The following SEC22C variants were observed in gnomAD, a reference collection of about 807,000 sequenced individuals.
SEC22C encodes the protein SEC22 homolog C, vesicle trafficking protein.
SEC22C carries 29 observed loss-of-function variants against 34.7 expected under a neutral mutation model. The ratio of observed to expected loss-of-function variants is 0.84; its 90% CI spans 0.62 to 1.14. The LOEUF (loss-of-function observed/expected upper bound fraction) is 1.14, where lower values mean the gene tolerates loss of function less well. Among genes scored for constraint, SEC22C ranks in the 50% most tolerant of loss-of-function variants. SEC22C has a pLI of 0.00. For synonymous variants in SEC22C, 117 were observed against 132.8 expected, an observed-to-expected ratio of 0.88 and a Z score of 0.82; for missense variants, 337 against 369.0, an observed-to-expected ratio of 0.91 and a Z score of 0.71.
rs534874028 is a variant in SEC22C, at chr3:42,600,035, C to T, written c.-28+925G>A. Reference sequence around the variant, plus strand: ...AAAGACTTCGCAATCATTTATGTAACAAAAGATTTTCATTCAGAGCATACA... The same window carrying T: ...AAAGACTTCGCAATCATTTATGTAATAAAAGATTTTCATTCAGAGCATACA... On this transcript the variant is annotated intron_variant, in intron 1 of 6. Coordinates refer to the SEC22C transcript ENST00000417572. Among the ~76,000 whole-genome samples the T allele has an allele frequency of 6.6e-5, 10 of 152,294 alleles. No homozygotes were observed. The East Asian group carries it at 1.9e-3, about 29-fold the overall frequency.
At chr3:42,576,947 G>C (rs1335482368) in intron 1 of SEC22C, among the ~76,000 whole-genome samples, 1 of 152,116 alleles carries the variant, frequency 6.6e-6, no homozygotes, top group African/African-American at 2.4e-5. Flanking sequence ...CAATGAAACA[G>C]AATACAGAAC....
At chr3:42,600,471 G>GC (rs1242205099) in intron 1 of SEC22C, 4 of 147,520 alleles carry the variant, frequency 2.7e-5, no homozygotes, top group Non-Finnish European at 6.1e-5. Flanking sequence ...TGACTTCAAA[G>GC]GGGGGGGCAA....
Position 42,550,574 on chromosome 3 carries a change from T to G in SEC22C, c.*2674A>C. ...AAACAATGTTTTTGTGGTCATTACT[T>G]GTACTGTTTTTCTAGTGCATCTTTT... On this transcript the variant is annotated 3_prime_UTR_variant, in exon 7 of 7. Transcript: ENST00000264454. The G allele has an allele frequency of 6.1e-6, 6 of 985,462 alleles. No individual in the cohort carries two copies. The highest frequency in any genetic ancestry group is 6.0e-6 in the Non-Finnish European group (5 of 829,938). The allele number at this position is 985,462 out of a possible 1,614,324, so 61.0% of individuals were successfully genotyped here. A position where few individuals can be genotyped will look rare whatever the true frequency, so the allele number is the denominator to read the frequency against.
At position 42,553,327 on chromosome 3, in the gene SEC22C, T is replaced by A; in HGVS notation, c.833A>T (p.His278Leu). The change falls in exon 7 of 7, where the codon CAC (histidine) becomes CTC (leucine). Residue 278 changes from histidine (H) to leucine (L), a missense_variant. Transcript: ENST00000264454. ...TGAAGACAGAAAAGCCACTCCTATGTGGAAAAGGATTTGCCAGAGGTTCCT... is the reference window on the plus strand; with the variant it reads ...TGAAGACAGAAAAGCCACTCCTATGAGGAAAAGGATTTGCCAGAGGTTCCT... ...GLRNLWQILF[H>L]IGVAFLSSYQ... 6.2e-7 allele frequency: 1 copy of A among 1,614,158 alleles called. No homozygotes were observed. Among genetic ancestry groups the A allele is most frequent in the Non-Finnish European group, 8.5e-7 (1 of 1,180,022 alleles).
At chr3:42,562,088 T>C (rs1702954998) in intron 3 of SEC22C, among the ~76,000 whole-genome samples, 1 of 152,224 alleles carries the variant, frequency 6.6e-6, no homozygotes. Context: ...AATTCTTAAA[T>C]TTATGTTAGT....
chr3:42,548,070 G>A lies in SEC22C; in HGVS notation c.*5178C>T, dbSNP rs1399961524. 2.0e-5 allele frequency: 3 copies of A among 152,994 alleles called. No homozygotes were observed. The highest frequency in any genetic ancestry group is 6.5e-5 in the Admixed American group (1 of 15,434). 9.5% of individuals were successfully genotyped at this position (152,994 alleles called of 1,614,324 possible). Reference sequence around the variant, plus strand: ...TACATTTTTACACACTTTTATACAAGTTTAGGTTGTACTACTGAGTTTGTT... The same window carrying A: ...TACATTTTTACACACTTTTATACAAATTTAGGTTGTACTACTGAGTTTGTT... On this transcript the variant is annotated 3_prime_UTR_variant, in exon 7 of 7. Coordinates refer to ENST00000264454, the MANE Select transcript of SEC22C (RefSeq NM_032970.4).
At chr3:42,584,555 C>T (rs986815689), upstream of SEC22C, among the ~76,000 whole-genome samples, 2 of 152,292 alleles carry the variant, frequency 1.3e-5, no homozygotes, top group South Asian at 2.1e-4. Context: ...CACGCCTAGC[C>T]GGGACATAGA....
chr3:42,548,416 A>G lies in SEC22C; in HGVS notation c.*4832T>C. 1.6e-6 allele frequency: 1 copy of G among 616,216 alleles called. No homozygotes were observed. The highest frequency in any genetic ancestry group is 2.0e-5 in the South Asian group (1 of 48,898). 38.2% of individuals were successfully genotyped at this position (616,216 alleles called of 1,614,324 possible). ...TGGATTTGTTAATTTTACCCTAAAT[A>G]AAAGGCGCTTGTGGGCAACAGCTCT... On this transcript the variant is annotated 3_prime_UTR_variant, in exon 7 of 7. Transcript: ENST00000264454.
chr3:42,566,999 G>GACCTCC (rs1703290221), intron 2 of SEC22C, among the ~76,000 whole-genome samples: 1 of 152,146 alleles, frequency 6.6e-6, no homozygotes, highest in African/African-American at 2.4e-5. Context: ...CTGTGGCCTC[G>GACCTCC]ACCTCCTGGG....
At chr3:42,598,487 C>T (rs557580230) in intron 1 of SEC22C, among the ~76,000 whole-genome samples, 2 of 151,980 alleles carry the variant, frequency 1.3e-5, no homozygotes, top group African/African-American at 4.8e-5. Flanking sequence ...GCCACCACGC[C>T]CTGCTAATTT....
At chr3:42,584,872 A>G (rs1435129560), upstream of SEC22C, among the ~76,000 whole-genome samples, 3 of 152,110 alleles carry the variant, frequency 2.0e-5, no homozygotes, top group African/African-American at 7.2e-5. Context: ...GTGGTGGCTC[A>G]CACCTATAAT....
chr3:42,590,786 C>T (rs1273109043), intron 1 of SEC22C: 19 of 1,096,628 alleles, frequency 1.7e-5, no homozygotes, highest in Non-Finnish European at 2.4e-5. Context: ...CAAATGACGT[C>T]CCTTCTGTAC....
intron 1 of SEC22C, among the ~76,000 whole-genome samples, chr3:42,576,318 T>C (rs1384595221): frequency 2.6e-5 from 4 of 151,778 alleles, no homozygotes; most frequent in Non-Finnish European, 5.9e-5. Flanking sequence ...CAAAATAAAC[T>C]TAAATCACAA....
Position 42,552,220 on chromosome 3 carries a change from A to G in SEC22C, c.*1028T>C, listed in dbSNP as rs1702288790. The G allele has an allele frequency of 1.0e-6, 1 of 985,266 alleles. No homozygotes were observed. Among genetic ancestry groups the G allele is most frequent in the African/African-American group, 1.7e-5 (1 of 57,252 alleles). The allele number at this position is 985,266 out of a possible 1,614,324, so 61.0% of individuals were successfully genotyped here. A position where few individuals can be genotyped will look rare whatever the true frequency, so the allele number is the denominator to read the frequency against. ...ACTTAACTCTTGTTCATAAAAAATG[A>G]GGCCCTCAAGCTAATTAAGATGACT... On this transcript the variant is annotated 3_prime_UTR_variant, in exon 7 of 7. Coordinates refer to ENST00000264454, the MANE Select transcript of SEC22C (RefSeq NM_032970.4).
chr3:42,567,120 A>G (rs1470490430), intron 2 of SEC22C, among the ~76,000 whole-genome samples: 2 of 152,174 alleles, frequency 1.3e-5, no homozygotes, highest in Non-Finnish European at 2.9e-5. Flanking sequence ...CATATTGCCC[A>G]GGCTGGTCTT....
intron 3 of SEC22C, among the ~76,000 whole-genome samples, chr3:42,563,267 G>T (rs1703033205): frequency 6.6e-6 from 1 of 152,230 alleles, no homozygotes; most frequent in African/African-American, 2.4e-5. Flanking sequence ...AGAGCTGTGG[G>T]TTATAACCTA....
intron 1 of SEC22C, chr3:42,594,609 C>T (rs1704973396): frequency 9.8e-7 from 1 of 1,019,470 alleles, no homozygotes; most frequent in Admixed American, 2.0e-5. Context: ...TTTACCAACT[C>T]AACTGGTTAA....
chr3:42,560,311 A>G (rs1486064789), intron 4 of SEC22C, among the ~76,000 whole-genome samples: 2 of 149,102 alleles, frequency 1.3e-5, no homozygotes, highest in African/African-American at 4.9e-5. Context: ...TTGGACTTAA[A>G]TAAATAAATA....
Position 42,549,954 on chromosome 3 carries a change from A to G in SEC22C, c.*3294T>C, listed in dbSNP as rs237064. 0.22 allele frequency: 212,708 copies of G among 985,266 alleles called. 24,728 individuals are homozygous for G. Among genetic ancestry groups the G allele is most frequent in the East Asian group, 0.47 (4,168 of 8,796 alleles). The allele number at this position is 985,266 out of a possible 1,614,324, so 61.0% of individuals were successfully genotyped here. A position where few individuals can be genotyped will look rare whatever the true frequency, so the allele number is the denominator to read the frequency against. ...GTGGGGCCTCTGGTACTGAGAGGGA[A>G]TGCCACCCGAATATGCCCCAGCTGT... On this transcript the variant is annotated 3_prime_UTR_variant, in exon 7 of 7. Coordinates refer to ENST00000264454, the MANE Select transcript of SEC22C (RefSeq NM_032970.4).
Sources: gnomAD v4.1 joint callset for allele counts (sites outside exome capture counted in the v4.1 genomes callset) on GRCh38, gnomAD v4.1.1 for gene constraint, MANE v1.5 for transcripts, NCBI Gene and HGNC (gene_info 2026-07-23, HGNC 2026-07-21) for gene names.